CCDC73: variants seen among roughly 807,000 people sequenced by gnomAD.
CCDC73 encodes the protein coiled-coil domain-containing protein 73.
A neutral mutation model predicts 116.5 loss-of-function variants in CCDC73; 95 were observed. That is an observed-to-expected ratio of 0.82 (90% CI 0.69 to 0.97). The LOEUF (loss-of-function observed/expected upper bound fraction) is 0.97. CCDC73 is among the 50% of genes least tolerant of loss of function. The pLI is 0.00. For synonymous variants in CCDC73, 398 were observed against 401.3 expected, an observed-to-expected ratio of 0.99 and a Z score of 0.10; for missense variants, 1,066 against 1,206.8, an observed-to-expected ratio of 0.88 and a Z score of 1.73.
At chr11:32,681,184 A>C (rs935027404) in intron 7 of CCDC73, 4 of 152,030 alleles carry the variant, frequency 2.6e-5, no homozygotes, top group Non-Finnish European at 5.9e-5. Flanking sequence ...AGAGAAAAAC[A>C]ATACGACAAT....
chr11:32,694,009 C>T (rs1856286433), intron 6 of CCDC73, among the ~76,000 whole-genome samples: 1 of 152,204 alleles, frequency 6.6e-6, no homozygotes, highest in Admixed American at 6.5e-5. Flanking sequence ...TGGCACAAGA[C>T]AGGGATGCCC....
At chr11:32,716,116 G>C (rs900112182) in intron 3 of CCDC73, among the ~76,000 whole-genome samples, 1 of 152,022 alleles carries the variant, frequency 6.6e-6, no homozygotes, top group Non-Finnish European at 1.5e-5. Context: ...AAACATACCT[G>C]CTTTATTAAC....
rs1438272497 is a variant in CCDC73 at position 32,613,777 on chromosome 11, TTC to T, written c.2539_2540del (p.Glu847IlefsTer4). The part of the protein sequence containing the change: ...HTLLNNTEKT[E>X]SLNDIVSGKM... ...TTCCTGAAACAATGTCATTTAATGA[TTC>T]TGTTTTCTCTGTATTATTTAACAAT... On this transcript the variant is annotated frameshift_variant, in exon 16 of 18. Transcript: ENST00000335185. LOFTEE classifies it high-confidence loss of function. 2.5e-6 allele frequency: 4 copies of T among 1,613,714 alleles called. No homozygotes were observed. Among genetic ancestry groups the T allele is most frequent in the Non-Finnish European group, 1.7e-6 (2 of 1,179,864 alleles).
intron 9 of CCDC73, among the ~76,000 whole-genome samples, chr11:32,662,152 C>T (rs1205840066): frequency 1.3e-5 from 2 of 152,220 alleles, no homozygotes; most frequent in Non-Finnish European, 2.9e-5. Context: ...CATACGTGTG[C>T]ATGTGTCTTT....
intron 3 of CCDC73, among the ~76,000 whole-genome samples, chr11:32,715,491 T>TACAC (rs911437807): frequency 2.1e-4 from 26 of 123,712 alleles, no homozygotes; most frequent in African/African-American, 6.8e-4. Context: ...GAAAAACTGA[T>TACAC]ACACACGCAC....
At chr11:32,608,574 T>G (rs1855384023) in intron 17 of CCDC73, among the ~76,000 whole-genome samples, 1 of 152,166 alleles carries the variant, frequency 6.6e-6, no homozygotes, top group Non-Finnish European at 1.5e-5. Flanking sequence ...AGATACATAG[T>G]GCAAGCTGTT....
intron 6 of CCDC73, among the ~76,000 whole-genome samples, chr11:32,696,389 G>T (rs1469286618): frequency 6.6e-6 from 1 of 151,926 alleles, no homozygotes; most frequent in Non-Finnish European, 1.5e-5. Context: ...ATTATGATCA[G>T]GACCTAAGTA....
At chr11:32,672,423 A>C (rs1856048220) in intron 9 of CCDC73, among the ~76,000 whole-genome samples, 1 of 152,244 alleles carries the variant, frequency 6.6e-6, no homozygotes, top group African/African-American at 2.4e-5. Context: ...TACAGAATTT[A>C]TGAGGCATAT....
intron 3 of CCDC73, among the ~76,000 whole-genome samples, chr11:32,703,180 C>T (rs565376435): frequency 6.6e-6 from 1 of 152,214 alleles, no homozygotes; most frequent in South Asian, 2.1e-4. Context: ...TCAACCTTCC[C>T]GGGCTCAGGT....
At chr11:32,715,137 T>C (rs1849933163) in intron 3 of CCDC73, among the ~76,000 whole-genome samples, 2 of 152,186 alleles carry the variant, frequency 1.3e-5, no homozygotes, top group South Asian at 4.1e-4. Context: ...TTCTTTCCCC[T>C]TTCTTAATCC....
chr11:32,616,556 G>A (rs558378910), intron 14 of CCDC73, among the ~76,000 whole-genome samples: 6 of 152,122 alleles, frequency 3.9e-5, no homozygotes, highest in African/African-American at 1.4e-4. Flanking sequence ...CATAGTGCAC[G>A]ACAAGCCTCA....
intron 1 of CCDC73, among the ~76,000 whole-genome samples, chr11:32,773,820 T>C (rs931849489): frequency 1.3e-5 from 2 of 151,898 alleles, no homozygotes; most frequent in Admixed American, 6.6e-5. Flanking sequence ...GGAGGGCTTA[T>C]TGATTGATAG....
chr11:32,692,920 TAAGTA>T (rs918269457), intron 6 of CCDC73, among the ~76,000 whole-genome samples: 1 of 152,250 alleles, frequency 6.6e-6, no homozygotes, highest in African/African-American at 2.4e-5. Flanking sequence ...ACTGTTTTCA[TAAGTA>T]AAGTTTTATT....
intron 14 of CCDC73, among the ~76,000 whole-genome samples, chr11:32,622,515 G>A (rs961388156): frequency 1.3e-5 from 2 of 152,052 alleles, no homozygotes; most frequent in African/African-American, 4.8e-5. Context: ...GTCCGGGTGG[G>A]GGGCAGCAAG....
At chr11:32,715,265 T>C (rs1849934455) in intron 3 of CCDC73, among the ~76,000 whole-genome samples, 2 of 152,254 alleles carry the variant, frequency 1.3e-5, no homozygotes, top group Admixed American at 6.5e-5. Flanking sequence ...CAATTACTAA[T>C]GGAAATTTTT....
intron 6 of CCDC73, among the ~76,000 whole-genome samples, chr11:32,690,989 C>T (rs1472677749): frequency 6.6e-6 from 1 of 151,718 alleles, no homozygotes; most frequent in African/African-American, 2.4e-5. Flanking sequence ...TTTTACTGCC[C>T]TAAAAAACTT....
chr11:32,611,261 A>G lies in CCDC73; in HGVS notation c.2901T>C (p.Thr967=). The change falls in exon 17 of 18, where the codon ACT becomes ACC. Residue 967 remains threonine (T), a synonymous_variant. Transcript: ENST00000335185. ...TGTCAGCAACTCTGTTAATGCTGGT[A>G]GTATCTGATTGATAAAGAGGAAATG... ...DDVGKDIGPD[T]TSINRVADTL... 1.2e-6 allele frequency: 2 copies of G among 1,611,380 alleles called. No individual in the cohort carries two copies. The highest frequency in any genetic ancestry group is 1.7e-6 in the Non-Finnish European group (2 of 1,179,020).
chr11:32,645,860 C>T (rs923548740), intron 12 of CCDC73, among the ~76,000 whole-genome samples: 1 of 152,090 alleles, frequency 6.6e-6, no homozygotes, highest in Non-Finnish European at 1.5e-5. Context: ...CTTATGGGAC[C>T]ACCATCTTAC....
Position 32,747,329 on chromosome 11 carries a change from C to T in CCDC73, c.135+12780G>A, listed in dbSNP as rs186450887. ...TCGTCCCAGAGGGAGGGGCACCTGC[C>T]TATATGAGGTGTCTGTTGGTCCCTA... On this transcript the variant is annotated intron_variant, in intron 2 of 17. Coordinates refer to ENST00000335185, the MANE Select transcript of CCDC73 (RefSeq NM_001008391.4). Among the ~76,000 whole-genome samples, 16 of 152,192 alleles carry T rather than the reference C, an allele frequency of 1.1e-4. No individual in the cohort carries two copies. The East Asian group carries it at 2.3e-3, about 22-fold the overall frequency.
Sources: allele counts gnomAD v4.1 joint callset (sites outside exome capture counted in the v4.1 genomes callset), GRCh38; gene constraint gnomAD v4.1.1; transcripts MANE v1.5; gene names NCBI Gene and HGNC (gene_info 2026-07-23, HGNC 2026-07-21).